N4BP2L1: variants seen among roughly 807,000 people sequenced by gnomAD.
The protein encoded by N4BP2L1 is NEDD4-binding protein 2-like 1.
Under a neutral mutation model 21.2 loss-of-function variants are expected in N4BP2L1, and 12 were observed. The observed-to-expected ratio is 0.57, with a 90% CI of 0.36 to 0.92. The LOEUF (loss-of-function observed/expected upper bound fraction) is 0.92, where lower values mean the gene tolerates loss of function less well. N4BP2L1 is among the 40% of genes least tolerant of loss of function. N4BP2L1 has a pLI of 0.01. For missense variants in N4BP2L1, 259 were observed against 310.6 expected (o/e 0.83, Z 1.25); for synonymous variants, 104 against 112.8 (o/e 0.92, Z 0.49).
chr13:32,403,114 T>C lies in N4BP2L1; in HGVS notation c.560A>G (p.His187Arg), dbSNP rs1429964720. 1 of 1,614,190 alleles carries C rather than the reference T, an allele frequency of 6.2e-7. No homozygotes were observed. The highest frequency in any genetic ancestry group is 8.5e-7 in the Non-Finnish European group (1 of 1,180,028). Residue 187 changes from histidine to arginine, a missense_variant, in exon 5 of 5, where the codon CAT (histidine) becomes CGT (arginine). Transcript: ENST00000380130. ...EHDVTFHSVL[H>R]AEKPSRMNRN... ...GTTCATTCTGCTTGGCTTTTCTGCA[T>C]GAAGCACACTGTGAAAAGTAACATC...
chr13:32,423,627 TACA>T (rs370199899), intron 1 of N4BP2L1, among the ~76,000 whole-genome samples: 10 of 152,222 alleles, frequency 6.6e-5, no homozygotes, highest in African/African-American at 2.4e-4. Context: ...TGACACATGC[TACA>T]ACATGGATGA....
Position 32,428,072 on chromosome 13 carries a change from C to T in N4BP2L1, c.11G>A (p.Ser4Asn), listed in dbSNP as rs762906010. The T allele has an allele frequency of 1.3e-6, 2 of 1,483,982 alleles. No homozygotes were observed. The highest frequency in any genetic ancestry group is 5.3e-5 in the East Asian group (2 of 37,472). 91.9% of individuals were successfully genotyped at this position (1,483,982 alleles called of 1,614,324 possible). A position where few individuals can be genotyped will look rare whatever the true frequency, so the allele number is the denominator to read the frequency against. Residue 4 changes from serine (S) to asparagine (N), a missense_variant, in exon 1 of 5, where the codon AGT becomes AAT. Transcript: ENST00000380130. MED[S>N]FLQSFGRLSL... ...CAGCCTCCCAAAAGATTGAAGGAAA[C>T]TGTCCTCCATGGGCAGGAGGGCTGG... is the stretch of plus-strand genomic sequence containing the variant.
intron 1 of N4BP2L1, among the ~76,000 whole-genome samples, chr13:32,408,406 G>T (rs1288434121): frequency 6.6e-6 from 1 of 152,172 alleles, no homozygotes; most frequent in Non-Finnish European, 1.5e-5. Flanking sequence ...CAGAGCCACT[G>T]TCCCCTACCT....
intron 4 of N4BP2L1, among the ~76,000 whole-genome samples, chr13:32,403,954 C>T (rs970096464): frequency 1.3e-5 from 2 of 152,144 alleles, no homozygotes; most frequent in Non-Finnish European, 2.9e-5. Flanking sequence ...ATAAATGAAT[C>T]GCAGACTGCT....
chr13:32,410,340 A>C (rs1201355937), intron 1 of N4BP2L1, among the ~76,000 whole-genome samples: 2 of 152,236 alleles, frequency 1.3e-5, no homozygotes, highest in African/African-American at 4.8e-5. Context: ...AGAGAACAAG[A>C]CAAGAAGCTG....
At chr13:32,420,483 A>G (rs1381564517) in intron 1 of N4BP2L1, 1 of 152,236 alleles carries the variant, frequency 6.6e-6, no homozygotes, top group Non-Finnish European at 1.5e-5. Context: ...TGTGCTGCTT[A>G]AATGGGAAGG....
chr13:32,428,217 T>C (rs2074912121), upstream of N4BP2L1: 1 of 893,960 alleles, frequency 1.1e-6, no homozygotes, highest in Non-Finnish European at 1.5e-6. Flanking sequence ...GCCCCTCCTT[T>C]CCACCCGCCG....
In N4BP2L1 at chr13:32,402,067, A is replaced by C. The variant is rs981234971; in HGVS notation, c.*875T>G. On this transcript the variant is annotated 3_prime_UTR_variant, in exon 5 of 5. Coordinates refer to ENST00000380130, the MANE Select transcript of N4BP2L1 (RefSeq NM_052818.3). The stretch of plus-strand genomic sequence containing the variant: ...TATGACCTATATCCTGGGGTGCCTA[A>C]TTTCTTGCACTCCCAAACATTTGAG... 1.0e-6 allele frequency: 1 copy of C among 985,330 alleles called. No homozygotes were observed. Among genetic ancestry groups the C allele is most frequent in the Non-Finnish European group, 1.2e-6 (1 of 829,942 alleles). The allele number at this position is 985,330 out of a possible 1,614,324, so 61.0% of individuals were successfully genotyped here.
intron 1 of N4BP2L1, among the ~76,000 whole-genome samples, chr13:32,413,477 T>C (rs1249196819): frequency 6.6e-6 from 1 of 152,194 alleles, no homozygotes; most frequent in African/African-American, 2.4e-5. Context: ...GTGATGTTTG[T>C]GTACTTCTGA....
At chr13:32,419,951 A>G (rs1244079558) in intron 1 of N4BP2L1, among the ~76,000 whole-genome samples, 1 of 152,180 alleles carries the variant, frequency 6.6e-6, no homozygotes, top group Non-Finnish European at 1.5e-5. Flanking sequence ...GCTATAGATG[A>G]CATGGGCAGC....
rs772327215 is a variant in N4BP2L1, at chr13:32,407,502, G to A, written c.307+143C>T. The A allele has an allele frequency of 1.9e-6, 3 of 1,583,166 alleles. No homozygotes were observed. In the African/African-American group the frequency reaches 4.0e-5, roughly 21 times the overall value. ...ATTTTCTTTCTCTGGAATCTAAGGA[G>A]GTTATGCTCTGGTGTTCTGTTTTGG... On this transcript the variant is annotated intron_variant, in intron 2 of 4. Transcript: ENST00000380130.
rs553583793 is a variant in N4BP2L1, at chr13:32,412,695, ATTCT to A, written c.180-4927_180-4924del. On this transcript the variant is annotated intron_variant, in intron 1 of 4. Transcript: ENST00000380130. The stretch of plus-strand genomic sequence containing the variant: ...ATACATCGCGATACTTTATTCCTAA[ATTCT>A]TTATCAAGTATCTCTTAAGAATAAG... Among the ~76,000 whole-genome samples, 1,044 of 152,164 alleles carry A rather than the reference ATTCT, an allele frequency of 6.9e-3. 14 individuals carry two copies. Among genetic ancestry groups the A allele is most frequent in the African/African-American group, 0.024 (995 of 41,522 alleles).
At chr13:32,419,526 C>T in intron 1 of N4BP2L1, 2 of 301,852 alleles carry the variant, frequency 6.6e-6, no homozygotes, top group South Asian at 5.2e-5. Context: ...CCTGCCTTGG[C>T]CTCCCAAAGT....
intron 1 of N4BP2L1, chr13:32,411,777 AATAGAGAACC>A (rs2073877347): frequency 1.0e-6 from 1 of 978,260 alleles, no homozygotes; most frequent in Admixed American, 6.1e-5. Context: ...TTTATTTAAT[AATAGAGAACC>A]ATAGAGATAT....
chr13:32,422,010 G>A (rs1399508282), intron 1 of N4BP2L1, among the ~76,000 whole-genome samples: 2 of 152,148 alleles, frequency 1.3e-5, no homozygotes, highest in African/African-American at 2.4e-5. Flanking sequence ...CTTTAGACCT[G>A]CTTGGGAGTT....
At chr13:32,413,966 C>A (rs1426786127) in intron 1 of N4BP2L1, among the ~76,000 whole-genome samples, 1 of 150,202 alleles carries the variant, frequency 6.7e-6, no homozygotes, top group Admixed American at 6.6e-5. Flanking sequence ...ACTCCAGCCT[C>A]CAGCTCCTGG....
intron 1 of N4BP2L1, among the ~76,000 whole-genome samples, chr13:32,409,667 AG>A (rs1855268052): frequency 6.6e-6 from 1 of 152,190 alleles, no homozygotes; most frequent in South Asian, 2.1e-4. Flanking sequence ...CAAAGCGCTG[AG>A]AGAAAGGGTC....
At chr13:32,416,421 TTATG>T (rs1228303705) in intron 1 of N4BP2L1, 1 of 152,210 alleles carries the variant, frequency 6.6e-6, no homozygotes, top group Non-Finnish European at 1.5e-5. Context: ...CCACATTTAT[TTATG>T]TATTTTCTCT....
chr13:32,414,381 T>TTG (rs1373903022), intron 1 of N4BP2L1, among the ~76,000 whole-genome samples: 2 of 152,170 alleles, frequency 1.3e-5, no homozygotes, highest in African/African-American at 4.8e-5. Context: ...CAATATTAGT[T>TTG]TGTGTGTGTG....
Sources: gnomAD v4.1 joint callset for allele counts (sites outside exome capture counted in the v4.1 genomes callset) on GRCh38, gnomAD v4.1.1 for gene constraint, MANE v1.5 for transcripts, NCBI Gene and HGNC (gene_info 2026-07-23, HGNC 2026-07-21) for gene names.